Variants in ABCA13 observed in about 807,000 individuals in gnomAD.
The protein encoded by ABCA13 is ATP-binding cassette sub-family A member 13.
In ABCA13, 476 loss-of-function variants were observed where a neutral mutation model predicts 478.7. The ratio of observed to expected loss-of-function variants is 0.99; its 90% confidence interval spans 0.92 to 1.07. The LOEUF (loss-of-function observed/expected upper bound fraction) is 1.07, where lower values mean the gene tolerates loss of function less well. Among genes scored for constraint, ABCA13 ranks in the 50% least tolerant of loss-of-function variants. The pLI, the probability that ABCA13 is intolerant of heterozygous loss-of-function variation, is 0.00. For synonymous variants in ABCA13, 2,252 were observed against 2,158.9 expected, an observed-to-expected ratio of 1.04 and a Z score of -1.20; for missense variants, 6,060 against 5,910.6, an observed-to-expected ratio of 1.03 and a Z score of -0.83.
chr7:48,552,044 G>T (rs1785374717), intron 55 of ABCA13, among the ~76,000 whole-genome samples: 1 of 151,750 alleles, frequency 6.6e-6, no homozygotes, highest in African/African-American at 2.4e-5. Flanking sequence ...AATCATCAAG[G>T]CTTAGTAGTA....
At chr7:48,531,796 G>A (rs1585720783) in intron 55 of ABCA13, among the ~76,000 whole-genome samples, 2 of 128,600 alleles carry the variant, frequency 1.6e-5, no homozygotes, top group South Asian at 2.4e-4. Context: ...TTGATTCTCC[G>A]TTTGGTTGCT....
rs533417501 is a variant in ABCA13, at chr7:48,372,305, C to T, written c.10941C>T (p.Thr3647=). ...KTSGIFAHSN[T]FIVFLFLLDF... is the part of the protein sequence containing the mutation. ...GTGGCATCTTTGCACACAGCAATAC[C>T]TTTATTGTTTTCCTCTTTCTCTTGG... Residue 3647 remains threonine (T), a synonymous_variant, in exon 33 of 62, where the codon ACC becomes ACT. Coordinates refer to ENST00000435803, the MANE Select transcript of ABCA13 (RefSeq NM_152701.5). The T allele has an allele frequency of 5.6e-6, 9 of 1,613,884 alleles. No individual in the cohort carries two copies. The highest frequency in any genetic ancestry group is 2.2e-5 in the East Asian group (1 of 44,880).
chr7:48,387,681 G>A, intron 35 of ABCA13, 141 bp from the exon 36 acceptor site: 1 of 733,220 alleles, frequency 1.4e-6, no homozygotes, highest in Non-Finnish European at 2.1e-6. Context: ...CTGTGCCCTG[G>A]GATATCACAT....
chr7:48,339,868 G>T (rs960180693), intron 29 of ABCA13, among the ~76,000 whole-genome samples: 1 of 152,162 alleles, frequency 6.6e-6, no homozygotes, highest in Non-Finnish European at 1.5e-5. Context: ...CACGGGTGGG[G>T]TGGCGGTGGG....
chr7:48,446,304 G>A (rs1824292447), intron 42 of ABCA13, among the ~76,000 whole-genome samples: 1 of 150,208 alleles, frequency 6.7e-6, no homozygotes, highest in Non-Finnish European at 1.5e-5. Flanking sequence ...CAAAGTTTAT[G>A]TGAAAGATCA....
intron 55 of ABCA13, among the ~76,000 whole-genome samples, chr7:48,541,987 C>T (rs1268165206): frequency 6.6e-6 from 1 of 151,060 alleles, no homozygotes; most frequent in Admixed American, 6.6e-5. Flanking sequence ...CAAAACAAAA[C>T]TGTATAAATA....
chr7:48,520,229 C>A lies in ABCA13; in HGVS notation c.13986C>A (p.Ala4662=), dbSNP rs1271212047. 6.2e-7 allele frequency: 1 copy of A among 1,613,516 alleles called. No individual in the cohort carries two copies. The highest frequency in any genetic ancestry group is 8.5e-7 in the Non-Finnish European group (1 of 1,179,768). The part of the protein sequence containing the change: ...NFLGWIFVQL[A]SQGTVLLLLR... The stretch of plus-strand genomic sequence containing the variant: ...TGGGCTGGATCTTCGTGCAACTGGC[C>A]TCGCAGGGCACAGTACTTCTCCTCT... Residue 4662 remains alanine, a synonymous_variant, in exon 53 of 62, where the codon GCC becomes GCA. Transcript: ENST00000435803.
chr7:48,357,813 A>C (rs73323780), intron 31 of ABCA13, among the ~76,000 whole-genome samples: 1 of 151,778 alleles, frequency 6.6e-6, no homozygotes, highest in African/African-American at 2.4e-5. Context: ...ATGCTTGGTC[A>C]CTTGGCTGCC....
At position 48,403,178 on chromosome 7, in the gene ABCA13, C is replaced by T. The variant is rs1375047998; in HGVS notation, c.11874-505C>T. Among the ~76,000 whole-genome samples, 7 of 152,306 alleles carry T rather than the reference C, an allele frequency of 4.6e-5. No individual in the cohort carries two copies. The South Asian group carries it at 6.2e-4, about 14-fold the overall frequency. ...AGCAAATGATAATTTATACTTTGCACGTGGCATTTCACTGGAACATCTGCA... is the reference window on the plus strand; with the variant it reads ...AGCAAATGATAATTTATACTTTGCATGTGGCATTTCACTGGAACATCTGCA... On this transcript the variant is annotated intron_variant, in intron 38 of 61. Coordinates refer to ENST00000435803, the MANE Select transcript of ABCA13 (RefSeq NM_152701.5).
chr7:48,562,436 CTTCTT>C (rs1384081945), intron 55 of ABCA13, among the ~76,000 whole-genome samples: 3 of 152,052 alleles, frequency 2.0e-5, no homozygotes, highest in East Asian at 1.9e-4. Flanking sequence ...GGCAAAAACT[CTTCTT>C]TTCTTCAGAT....
intron 42 of ABCA13, among the ~76,000 whole-genome samples, chr7:48,437,814 T>C (rs1244472599): frequency 6.6e-6 from 1 of 152,094 alleles, no homozygotes; most frequent in Non-Finnish European, 1.5e-5. Flanking sequence ...ATGGTCTTCA[T>C]AGTTATTTTC....
At chr7:48,397,320 C>A (rs1249718009) in intron 38 of ABCA13, among the ~76,000 whole-genome samples, 1 of 152,060 alleles carries the variant, frequency 6.6e-6, no homozygotes, top group Non-Finnish European at 1.5e-5. Flanking sequence ...TGCATCAATC[C>A]TCAGTTTTAG....
intron 42 of ABCA13, among the ~76,000 whole-genome samples, chr7:48,450,034 A>T (rs1294845146): frequency 6.6e-6 from 1 of 152,128 alleles, no homozygotes; most frequent in South Asian, 2.1e-4. Flanking sequence ...TACTTGTTTG[A>T]CTCTATTACA....
Position 48,278,110 on chromosome 7 carries a change from A to G in ABCA13, c.6916A>G (p.Lys2306Glu). The change falls in exon 18 of 62, where the codon AAA becomes GAA. Residue 2306 changes from lysine to glutamate, a missense_variant. Lys to Glu is a moderately conservative substitution (Grantham distance 56). Coordinates refer to ENST00000435803, the MANE Select transcript of ABCA13 (RefSeq NM_152701.5). ...IAEMSFVPKD[K>E]ILEILKLDQF... ...TATTTACAGTTTTGTCCCAAAAGATAAAATTCTAGAAATTCTGAAACTGGA... is the reference window on the plus strand; with the variant it reads ...TATTTACAGTTTTGTCCCAAAAGATGAAATTCTAGAAATTCTGAAACTGGA... 1 of 1,317,908 alleles carries G rather than the reference A, an allele frequency of 7.6e-7. No homozygotes were observed. Among genetic ancestry groups the G allele is most frequent in the Non-Finnish European group, 1.0e-6 (1 of 998,932 alleles). 81.6% of individuals were successfully genotyped at this position (1,317,908 alleles called of 1,614,324 possible). A position where few individuals can be genotyped will look rare whatever the true frequency, so the allele number is the denominator to read the frequency against.
At chr7:48,484,699 G>T (rs1829115467) in intron 47 of ABCA13, among the ~76,000 whole-genome samples, 1 of 152,170 alleles carries the variant, frequency 6.6e-6, no homozygotes, top group African/African-American at 2.4e-5. Flanking sequence ...ACATGTTTGA[G>T]TGGTGATTGC....
intron 3 of ABCA13, among the ~76,000 whole-genome samples, chr7:48,209,104 G>T (rs1202235252): frequency 6.6e-6 from 1 of 152,004 alleles, no homozygotes; most frequent in Non-Finnish European, 1.5e-5. Context: ...GTATCACATT[G>T]ATTAATTTGC....
chr7:48,310,252 ACT>A, intron 24 of ABCA13, 111 bp downstream of exon 24: 1 of 1,188,838 alleles, frequency 8.4e-7, no homozygotes, highest in Non-Finnish European at 1.2e-6. Flanking sequence ...GCACCTGGCC[ACT>A]CTGCAGTGGT....
chr7:48,506,646 T>C (rs1831237087), intron 49 of ABCA13, among the ~76,000 whole-genome samples: 1 of 152,224 alleles, frequency 6.6e-6, no homozygotes, highest in Admixed American at 6.5e-5. Context: ...GAAATTCTTC[T>C]AAGGGAATGA....
intron 27 of ABCA13, among the ~76,000 whole-genome samples, chr7:48,331,006 T>C (rs1805310188): frequency 6.6e-6 from 1 of 152,136 alleles, no homozygotes; most frequent in Non-Finnish European, 1.5e-5. Context: ...AATCTTCAAA[T>C]TCCTCTGCCC....
Sources: gnomAD v4.1 joint callset for allele counts (sites outside exome capture counted in the v4.1 genomes callset) on GRCh38, gnomAD v4.1.1 for gene constraint, MANE v1.5 for transcripts, NCBI Gene and HGNC (gene_info 2026-07-23, HGNC 2026-07-21) for gene names.